Variants in ADAMTS6 observed in about 807,000 individuals in gnomAD.
ADAMTS6 encodes the protein ADAM metallopeptidase with thrombospondin type 1 motif 6.
ADAMTS6 carries 23 observed loss-of-function variants against 144.3 expected under a neutral mutation model. The ratio of observed to expected loss-of-function variants is 0.16; its 90% confidence interval spans 0.11 to 0.23. The LOEUF (loss-of-function observed/expected upper bound fraction) is 0.23. ADAMTS6 is among the 10% of genes least tolerant of loss of function. ADAMTS6 has a pLI of 1.00. For missense variants in ADAMTS6, 999 were observed against 1,379.6 expected, an observed-to-expected ratio of 0.72 and a Z score of 4.37; for synonymous variants, 444 against 457.5, an observed-to-expected ratio of 0.97 and a Z score of 0.38.
intron 11 of ADAMTS6, among the ~76,000 whole-genome samples, chr5:65,284,207 G>A (rs1202521809): frequency 6.6e-6 from 1 of 152,044 alleles, no homozygotes; most frequent in Non-Finnish European, 1.5e-5. Flanking sequence ...GCATGAGTCT[G>A]AGAGACAAAG....
intron 9 of ADAMTS6, among the ~76,000 whole-genome samples, chr5:65,321,360 C>T (rs896194919): frequency 4.6e-5 from 7 of 151,842 alleles, no homozygotes; most frequent in Non-Finnish European, 1.0e-4. Flanking sequence ...AGTGTCTGTT[C>T]ATGTCCTTTG....
At chr5:65,408,400 G>A (rs1346984272) in intron 7 of ADAMTS6, among the ~76,000 whole-genome samples, 3 of 152,146 alleles carry the variant, frequency 2.0e-5, no homozygotes, top group African/African-American at 7.2e-5. Context: ...AAGAGACAAA[G>A]AAGGCCATCA....
intron 3 of ADAMTS6, among the ~76,000 whole-genome samples, chr5:65,468,197 G>T (rs768715554): frequency 3.3e-5 from 5 of 151,908 alleles, no homozygotes; most frequent in African/African-American, 7.3e-5. Context: ...TAAAACTATG[G>T]GTGAGGAGAT....
chr5:65,451,305 G>T, intron 7 of ADAMTS6, 170 bp downstream of exon 7: 1 of 598,270 alleles, frequency 1.7e-6, no homozygotes, highest in South Asian at 3.2e-5. Context: ...TGGTTCATTT[G>T]ATGCAAACAC....
At chr5:65,289,130 G>A (rs1742038660) in intron 11 of ADAMTS6, among the ~76,000 whole-genome samples, 1 of 152,170 alleles carries the variant, frequency 6.6e-6, no homozygotes, top group Non-Finnish European at 1.5e-5. Flanking sequence ...AAGGATTCAC[G>A]ATAAAATACT....
chr5:65,166,045 T>C lies in ADAMTS6; in HGVS notation c.3244+4572A>G, dbSNP rs1432925802. 2.0e-5 allele frequency among the ~76,000 whole-genome samples: 3 copies of C among 146,946 alleles called. No homozygotes were observed. The South Asian group carries it at 6.8e-4, about 33-fold the overall frequency. Reference sequence around the variant, plus strand: ...CACACATAACAATATTAACTTTAAATGTAAATGGACTAAATTCTCCAATTA... The same window carrying C: ...CACACATAACAATATTAACTTTAAACGTAAATGGACTAAATTCTCCAATTA... On this transcript the variant is annotated intron_variant, in intron 24 of 24. Transcript: ENST00000381055.
At chr5:65,311,276 T>C (rs1744472713) in intron 9 of ADAMTS6, among the ~76,000 whole-genome samples, 1 of 151,930 alleles carries the variant, frequency 6.6e-6, no homozygotes, top group South Asian at 2.1e-4. Context: ...TAATAAGTAA[T>C]AAAAGGGTAA....
In ADAMTS6 at chr5:65,389,665, CT is replaced by C. The variant is rs1363756667; in HGVS notation, c.1074-55581del. ...CTGTTAGTAAAATTTAGTACCCATC[CT>C]TTTTTCCCCCCTATACATTTATTAT... On this transcript the variant is annotated intron_variant, in intron 7 of 24. Transcript: ENST00000381055. 2.0e-5 allele frequency among the ~76,000 whole-genome samples: 3 copies of C among 151,104 alleles called. 1 individual carries two copies. Among genetic ancestry groups the C allele is most frequent in the South Asian group, 2.1e-4 (1 of 4,772 alleles).
chr5:65,438,536 T>C (rs1192405174), intron 7 of ADAMTS6, among the ~76,000 whole-genome samples: 1 of 151,990 alleles, frequency 6.6e-6, no homozygotes, highest in Non-Finnish European at 1.5e-5. Flanking sequence ...TATACATACA[T>C]ACATACATAA....
intron 24 of ADAMTS6, among the ~76,000 whole-genome samples, chr5:65,160,375 C>T (rs1462537158): frequency 1.3e-5 from 2 of 150,730 alleles, no homozygotes; most frequent in Non-Finnish European, 1.5e-5. Flanking sequence ...GGCGCAATCT[C>T]GGCTCACTGC....
intron 14 of ADAMTS6, among the ~76,000 whole-genome samples, chr5:65,259,042 A>T (rs1256805126): frequency 6.6e-6 from 1 of 152,090 alleles, no homozygotes; most frequent in Non-Finnish European, 1.5e-5. Flanking sequence ...GGGTACTCTA[A>T]CATTGAGGTC....
chr5:65,395,191 G>A (rs568940317), intron 7 of ADAMTS6, among the ~76,000 whole-genome samples: 40 of 152,186 alleles, frequency 2.6e-4, no homozygotes, highest in Middle Eastern at 3.4e-3. Context: ...AGATTCAGGT[G>A]TATATTAAAC....
intron 7 of ADAMTS6, among the ~76,000 whole-genome samples, chr5:65,422,327 G>A (rs971860838): frequency 5.3e-5 from 8 of 152,206 alleles, no homozygotes; most frequent in African/African-American, 1.4e-4. Flanking sequence ...GGTTGGTGTG[G>A]GTGTGATGAA....
At chr5:65,351,800 T>TA (rs1223391062) in intron 7 of ADAMTS6, among the ~76,000 whole-genome samples, 6 of 148,446 alleles carry the variant, frequency 4.0e-5, no homozygotes, top group African/African-American at 1.5e-4. Context: ...TTCGTCTTCT[T>TA]AAAAAACAAA....
At chr5:65,251,784 T>A (rs537780785) in intron 14 of ADAMTS6, 1 of 152,294 alleles carries the variant, frequency 6.6e-6, no homozygotes, top group East Asian at 1.9e-4. Flanking sequence ...CAGCTTGACA[T>A]CCTTTTCTGA....
intron 1 of ADAMTS6, 37 bp from the exon 2 acceptor site, chr5:65,473,989 C>A: frequency 2.2e-6 from 1 of 447,590 alleles, no homozygotes. Context: ...TGAAAAATAT[C>A]CAGAATGGAA....
chr5:65,467,295 A>T (rs1760101694), intron 3 of ADAMTS6, among the ~76,000 whole-genome samples: 1 of 151,950 alleles, frequency 6.6e-6, no homozygotes, highest in African/African-American at 2.4e-5. Context: ...TAAGGAAATA[A>T]TTTTTTTAAT....
At chr5:65,441,298 A>G (rs1481713246) in intron 7 of ADAMTS6, among the ~76,000 whole-genome samples, 1 of 152,198 alleles carries the variant, frequency 6.6e-6, no homozygotes, top group Non-Finnish European at 1.5e-5. Flanking sequence ...ATACACAGAG[A>G]AGAGAGACTT....
chr5:65,301,059 C>T (rs766619264), intron 9 of ADAMTS6, among the ~76,000 whole-genome samples: 3 of 151,978 alleles, frequency 2.0e-5, no homozygotes, highest in Non-Finnish European at 4.4e-5. Context: ...TGGTTTTTAT[C>T]GTAGCCTCCT....
Sources: allele counts gnomAD v4.1 joint callset (sites outside exome capture counted in the v4.1 genomes callset), GRCh38; gene constraint gnomAD v4.1.1; transcripts MANE v1.5; gene names NCBI Gene and HGNC (gene_info 2026-07-23, HGNC 2026-07-21).